SNX24: variants seen among roughly 807,000 people sequenced by gnomAD.
The protein encoded by SNX24 is sorting nexin 24.
SNX24 carries 22 observed loss-of-function variants against 28.7 expected under a neutral mutation model. The observed-to-expected ratio is 0.77, with a 90% CI of 0.55 to 1.10. The LOEUF (loss-of-function observed/expected upper bound fraction) is 1.10. SNX24 is among the 50% of genes least tolerant of loss of function. SNX24 has a pLI of 0.00. For missense variants in SNX24, 221 were observed against 201.1 expected (o/e 1.10, Z -0.60); for synonymous variants, 69 against 71.5 (o/e 0.96, Z 0.18).
intron 1 of SNX24, among the ~76,000 whole-genome samples, chr5:122,934,651 C>T (rs550009840): frequency 6.6e-6 from 1 of 152,308 alleles, no homozygotes; most frequent in South Asian, 2.1e-4. Context: ...AGCCATTGCG[C>T]CTGGCCGGAT....
intron 2 of SNX24, among the ~76,000 whole-genome samples, chr5:122,940,132 T>C (rs1323882444): frequency 1.3e-5 from 2 of 152,054 alleles, no homozygotes; most frequent in Non-Finnish European, 2.9e-5. Flanking sequence ...TAGCTGGGAT[T>C]ACAGGCACCT....
At chr5:122,884,716 C>T (rs1202803734) in intron 1 of SNX24, among the ~76,000 whole-genome samples, 3 of 152,098 alleles carry the variant, frequency 2.0e-5, no homozygotes, top group South Asian at 2.1e-4. Flanking sequence ...TTCTGACAGA[C>T]GAGCAGATGT....
intron 1 of SNX24, among the ~76,000 whole-genome samples, chr5:122,886,858 A>G (rs986555706): frequency 2.0e-5 from 3 of 152,028 alleles, no homozygotes; most frequent in Non-Finnish European, 2.9e-5. Flanking sequence ...CATTATTTTT[A>G]TATTTCTCCT....
intron 1 of SNX24, among the ~76,000 whole-genome samples, chr5:122,884,777 A>G (rs1371270517): frequency 6.6e-6 from 1 of 152,040 alleles, no homozygotes; most frequent in East Asian, 1.9e-4. Context: ...GTGGTTGCCG[A>G]GAGTGGAGAG....
At chr5:122,874,886 T>A (rs1756155201) in intron 1 of SNX24, among the ~76,000 whole-genome samples, 1 of 152,216 alleles carries the variant, frequency 6.6e-6, no homozygotes, top group Non-Finnish European at 1.5e-5. Context: ...TAGGAATTGT[T>A]TTAATCAAAT....
intron 1 of SNX24, among the ~76,000 whole-genome samples, chr5:122,848,201 C>G (rs1035365123): frequency 1.3e-5 from 2 of 152,144 alleles, no homozygotes; most frequent in African/African-American, 4.8e-5. Flanking sequence ...CTCTTGGGCT[C>G]AAGTGATCCT....
At chr5:122,918,175 C>T (rs1758265076) in intron 1 of SNX24, among the ~76,000 whole-genome samples, 1 of 152,078 alleles carries the variant, frequency 6.6e-6, no homozygotes, top group South Asian at 2.1e-4. Flanking sequence ...TTGGGAGGCC[C>T]AAGTGGGCAG....
At chr5:122,973,685 A>G (rs1488215113) in intron 3 of SNX24, among the ~76,000 whole-genome samples, 5 of 152,196 alleles carry the variant, frequency 3.3e-5, no homozygotes, top group African/African-American at 1.2e-4. Flanking sequence ...TTATGGCTAG[A>G]TGGATCAAAA....
intron 5 of SNX24, 96 bp from the exon 6 acceptor site, chr5:123,001,844 C>G: frequency 1.0e-6 from 1 of 990,060 alleles, no homozygotes. Context: ...TTGAGACGTC[C>G]CCGCACAGCA....
At chr5:122,883,649 C>CT (rs971891166) in intron 1 of SNX24, among the ~76,000 whole-genome samples, 26 of 151,144 alleles carry the variant, frequency 1.7e-4, no homozygotes, top group Non-Finnish European at 3.2e-4. Flanking sequence ...ATTATTTATT[C>CT]TTTTTTTTTG....
At position 122,913,711 on chromosome 5, in the gene SNX24, G is replaced by A. The variant is rs571430503; in HGVS notation, c.61-23023G>A. Among the ~76,000 whole-genome samples, 554 of 152,304 alleles carry A rather than the reference G, an allele frequency of 3.6e-3. 2 individuals are homozygous for A. Among genetic ancestry groups the A allele is most frequent in the African/African-American group, 0.012 (512 of 41,562 alleles). On this transcript the variant is annotated intron_variant, in intron 1 of 6. Transcript: ENST00000261369. ...CTCCTCACTTCCTAGATGGGATGGC[G>A]GCCGGGCAGAGGCTGCAATCTCGGC... is the stretch of plus-strand genomic sequence containing the variant.
At chr5:122,882,718 A>G (rs889893725) in intron 1 of SNX24, among the ~76,000 whole-genome samples, 1 of 152,152 alleles carries the variant, frequency 6.6e-6, no homozygotes, top group Admixed American at 6.5e-5. Context: ...CCCTTGAAAA[A>G]CACTGTTTTT....
chr5:122,907,082 T>C (rs1757673855), intron 1 of SNX24, among the ~76,000 whole-genome samples: 1 of 152,124 alleles, frequency 6.6e-6, no homozygotes, highest in Non-Finnish European at 1.5e-5. Context: ...CCTACGTCAT[T>C]TTCTCCACCA....
chr5:123,000,393 T>C (rs997225541), intron 4 of SNX24, among the ~76,000 whole-genome samples: 2 of 152,244 alleles, frequency 1.3e-5, no homozygotes, highest in Non-Finnish European at 2.9e-5. Flanking sequence ...AAGTTATGAA[T>C]GATCTTAGAG....
At chr5:122,937,894 T>C (rs934395715) in intron 2 of SNX24, among the ~76,000 whole-genome samples, 11 of 152,110 alleles carry the variant, frequency 7.2e-5, no homozygotes, top group African/African-American at 2.7e-4. Flanking sequence ...GGGAAGTGTG[T>C]TTTTGTTTAT....
intron 3 of SNX24, among the ~76,000 whole-genome samples, chr5:122,960,352 T>G (rs905732486): frequency 2.0e-5 from 3 of 152,204 alleles, no homozygotes; most frequent in Admixed American, 6.5e-5. Context: ...AGTACAAAAC[T>G]GCTAGTTTGT....
chr5:123,012,558 A>G (rs908983705), downstream of SNX24, among the ~76,000 whole-genome samples: 8 of 152,248 alleles, frequency 5.3e-5, no homozygotes, highest in African/African-American at 1.9e-4. Context: ...GGAAGATGAA[A>G]ACATTCTGGA....
At chr5:122,971,935 G>A (rs539274333) in intron 3 of SNX24, among the ~76,000 whole-genome samples, 3 of 152,312 alleles carry the variant, frequency 2.0e-5, no homozygotes, top group East Asian at 1.9e-4. Flanking sequence ...TGGGCCATTT[G>A]TAGTCCTGCC....
chr5:122,849,370 C>T (rs559847068), intron 1 of SNX24, among the ~76,000 whole-genome samples: 1 of 151,962 alleles, frequency 6.6e-6, no homozygotes, highest in Non-Finnish European at 1.5e-5. Context: ...AGAGCTAGGC[C>T]GGGAAAGGTT....
Sources: allele counts gnomAD v4.1 joint callset (sites outside exome capture counted in the v4.1 genomes callset), GRCh38; gene constraint gnomAD v4.1.1; transcripts MANE v1.5; gene names NCBI Gene and HGNC (gene_info 2026-07-23, HGNC 2026-07-21).